The following TPTE variants were observed in gnomAD, a reference collection of about 807,000 sequenced individuals.
TPTE encodes the protein transmembrane phosphatase with tensin homology.
In TPTE, 59 loss-of-function variants were observed where a neutral mutation model predicts 84.1. The ratio of observed to expected loss-of-function variants is 0.70; its 90% confidence interval spans 0.57 to 0.87. The LOEUF (loss-of-function observed/expected upper bound fraction) is 0.87. TPTE is among the 40% of genes least tolerant of loss of function. TPTE has a pLI of 0.00. For missense variants in TPTE, 382 were observed against 659.6 expected (o/e 0.58, Z 4.61); for synonymous variants, 130 against 223.5 (o/e 0.58, Z 3.73).
At chr21:10,552,287 T>G (rs1225877556) in intron 7 of TPTE, among the ~76,000 whole-genome samples, 1 of 152,312 alleles carries the variant, frequency 6.6e-6, no homozygotes, top group African/African-American at 2.4e-5. Context: ...CAGTTTTTGC[T>G]TTATTGCAGT....
intron 10 of TPTE, among the ~76,000 whole-genome samples, chr21:10,561,928 C>T (rs2074813519): frequency 6.6e-6 from 1 of 152,312 alleles, no homozygotes; most frequent in Admixed American, 6.5e-5. Flanking sequence ...AGGTCTTGGG[C>T]AAGACCCCGT....
chr21:10,593,794 T>C (rs1477687110), intron 19 of TPTE, among the ~76,000 whole-genome samples: 3 of 152,298 alleles, frequency 2.0e-5, no homozygotes, highest in African/African-American at 7.2e-5. Flanking sequence ...GAGAGCGGGT[T>C]GGGAATTTCT....
At chr21:10,558,519 CAT>C (rs1158906191) in intron 8 of TPTE, among the ~76,000 whole-genome samples, 2 of 152,308 alleles carry the variant, frequency 1.3e-5, no homozygotes, top group Non-Finnish European at 1.5e-5. Context: ...AGCTTTTCTT[CAT>C]ATGTTTGTTG....
At chr21:10,567,989 T>C (rs1228638024) in intron 11 of TPTE, among the ~76,000 whole-genome samples, 200 bp downstream of exon 11, 1 of 152,310 alleles carries the variant, frequency 6.6e-6, no homozygotes, top group East Asian at 1.9e-4. Context: ...GTGAAGAGTA[T>C]ACAGGCTAAG....
At chr21:10,537,886 A>G (rs1394062280) in intron 3 of TPTE, among the ~76,000 whole-genome samples, 1 of 152,300 alleles carries the variant, frequency 6.6e-6, no homozygotes, top group Admixed American at 6.5e-5. Context: ...AAAACAAAAA[A>G]CTTTGACACA....
At chr21:10,566,824 A>G (rs1188671177) in intron 10 of TPTE, among the ~76,000 whole-genome samples, 1 of 152,306 alleles carries the variant, frequency 6.6e-6, no homozygotes, top group Non-Finnish European at 1.5e-5. Flanking sequence ...TAAAAATACA[A>G]AAATTAGCTG....
intron 3 of TPTE, among the ~76,000 whole-genome samples, chr21:10,533,230 A>G (rs1349105204): frequency 5.2e-5 from 8 of 152,422 alleles, no homozygotes; most frequent in African/African-American, 1.9e-4. Context: ...CCAAACTACT[A>G]TTTATCCCTC....
intron 11 of TPTE, among the ~76,000 whole-genome samples, chr21:10,568,918 G>A (rs540423281): frequency 1.3e-4 from 20 of 152,390 alleles, no homozygotes; most frequent in African/African-American, 4.1e-4. Context: ...CACTTCGGAA[G>A]TATCTCAATC....
intron 8 of TPTE, among the ~76,000 whole-genome samples, chr21:10,557,579 G>A (rs1190208733): frequency 6.6e-6 from 1 of 152,306 alleles, no homozygotes; most frequent in Non-Finnish European, 1.5e-5. Flanking sequence ...CTTGAGGAGA[G>A]AATTCACCTC....
intron 17 of TPTE, among the ~76,000 whole-genome samples, chr21:10,587,637 C>A (rs1434442239): frequency 2.0e-5 from 3 of 152,300 alleles, no homozygotes; most frequent in African/African-American, 7.2e-5. Context: ...GCAACCTCCA[C>A]CTCCCAGGTT....
At chr21:10,540,707 C>T (rs777425807) in intron 4 of TPTE, 2 of 519,512 alleles carry the variant, frequency 3.8e-6, no homozygotes, top group Non-Finnish European at 7.7e-6. Context: ...TACTTGGCCG[C>T]AACTCTTGGG....
At chr21:10,530,488 A>G (rs374819247) in intron 3 of TPTE, among the ~76,000 whole-genome samples, 1 of 152,312 alleles carries the variant, frequency 6.6e-6, no homozygotes, top group Admixed American at 6.5e-5. Flanking sequence ...GCATAGTAAC[A>G]TAAGATTATT....
At chr21:10,604,683 C>A (rs533539621) in intron 23 of TPTE, among the ~76,000 whole-genome samples, 4 of 152,410 alleles carry the variant, frequency 2.6e-5, no homozygotes, top group African/African-American at 9.6e-5. Context: ...AAAAGTGAGA[C>A]CTGGGTGGAG....
chr21:10,539,311 G>A (rs2074324466), intron 4 of TPTE, among the ~76,000 whole-genome samples: 1 of 152,312 alleles, frequency 6.6e-6, no homozygotes, highest in Non-Finnish European at 1.5e-5. Flanking sequence ...GTCAACATAT[G>A]AGGTTGGTGC....
Position 10,590,511 on chromosome 21 carries a change from T to C in TPTE, c.1077T>C (p.Cys359=), listed in dbSNP as rs766850448. The change falls in exon 18 of 24, where the codon TGT becomes TGC. Residue 359 remains cysteine (C), a synonymous_variant. Coordinates refer to ENST00000618007, the MANE Select transcript of TPTE (RefSeq NM_199261.4). ...CCTTCCTTATTGCCTCTGAAATATGTTCAACTGCAAAGGTATGAAAGATGT... is the reference window on the plus strand; with the variant it reads ...CCTTCCTTATTGCCTCTGAAATATGCTCAACTGCAAAGGTATGAAAGATGT... ...VCAFLIASEI[C]STAKESLYYF... 2.5e-6 allele frequency: 4 copies of C among 1,614,118 alleles called. No homozygotes were observed. The highest frequency in any genetic ancestry group is 2.2e-5 in the South Asian group (2 of 91,078).
intron 21 of TPTE, among the ~76,000 whole-genome samples, chr21:10,600,140 C>CTTTTTTT (rs71217979): frequency 1.1e-4 from 15 of 142,456 alleles, no homozygotes; most frequent in East Asian, 2.0e-4. Context: ...TTTTCTTTTT[C>CTTTTTTT]TTTTTTTTTT....
intron 20 of TPTE, among the ~76,000 whole-genome samples, chr21:10,596,723 C>T (rs1241645446): frequency 2.0e-5 from 3 of 152,304 alleles, no homozygotes; most frequent in Middle Eastern, 3.2e-3. Context: ...CCTCTTCTAG[C>T]AGCCAGCTTG....
intron 10 of TPTE, 42 bp downstream of exon 10, chr21:10,561,233 GT>G (rs1352687725): frequency 6.2e-7 from 1 of 1,606,266 alleles, no homozygotes. Context: ...CTACTTTGTA[GT>G]TTTATAAGAA....
chr21:10,570,269 G>T (rs2075015542), intron 13 of TPTE, among the ~76,000 whole-genome samples: 1 of 152,306 alleles, frequency 6.6e-6, no homozygotes, highest in South Asian at 2.1e-4. Flanking sequence ...TAGAACTAGT[G>T]GAGACTTAAG....
Sources: allele counts gnomAD v4.1 joint callset (sites outside exome capture counted in the v4.1 genomes callset), GRCh38; gene constraint gnomAD v4.1.1; transcripts MANE v1.5; gene names NCBI Gene and HGNC (gene_info 2026-07-23, HGNC 2026-07-21).